Variants in GNA12 observed in about 807,000 individuals in gnomAD.
GNA12 encodes guanine nucleotide-binding protein subunit alpha-12.
Under a neutral mutation model 26.0 loss-of-function variants are expected in GNA12, and 9 were observed. That is an observed-to-expected ratio of 0.35 (90% confidence interval 0.21 to 0.60). GNA12 has a LOEUF of 0.60. Among genes scored for constraint, GNA12 ranks in the 20% least tolerant of loss-of-function variants. The probability of loss-of-function intolerance (pLI) is 0.78; values close to 1 mark genes in which losing one functional copy is unlikely to be tolerated. For missense variants in GNA12, 405 were observed against 525.8 expected (o/e 0.77, Z 2.25); for synonymous variants, 264 against 219.6 (o/e 1.20, Z -1.79).
At chr7:2,787,919 C>T (rs184001021) in intron 2 of GNA12, among the ~76,000 whole-genome samples, 33 of 152,260 alleles carry the variant, frequency 2.2e-4, no homozygotes, top group African/African-American at 6.3e-4. Flanking sequence ...CTTTGGAAGC[C>T]AAGGCAGGAG....
At chr7:2,838,280 T>A (rs1262868357) in intron 1 of GNA12, among the ~76,000 whole-genome samples, 1 of 143,720 alleles carries the variant, frequency 7.0e-6, no homozygotes, top group African/African-American at 2.6e-5. Context: ...GCATTATACT[T>A]AAAAAAAAAA....
In GNA12 at chr7:2,730,591, C is replaced by A. The variant is rs75277291; in HGVS notation, c.*590G>T. 1 of 152,530 alleles carries A rather than the reference C, an allele frequency of 6.6e-6. No homozygotes were observed. The highest frequency in any genetic ancestry group is 1.5e-5 in the Non-Finnish European group (1 of 68,206). 9.4% of individuals were successfully genotyped at this position (152,530 alleles called of 1,614,324 possible). Reference sequence around the variant, plus strand: ...ACTAGGGGCTCTTAGGAAATCGGCACGGGAGTTTGAAAAGGCAACGTGCTC... The same window carrying A: ...ACTAGGGGCTCTTAGGAAATCGGCAAGGGAGTTTGAAAAGGCAACGTGCTC... On this transcript the variant is annotated 3_prime_UTR_variant, in exon 4 of 4. Coordinates refer to ENST00000275364, the MANE Select transcript of GNA12 (RefSeq NM_007353.3).
At chr7:2,761,924 C>T (rs919955121) in intron 2 of GNA12, among the ~76,000 whole-genome samples, 1 of 152,162 alleles carries the variant, frequency 6.6e-6, no homozygotes, top group African/African-American at 2.4e-5. Flanking sequence ...ACGGAATGTC[C>T]AAATGTAAGG....
At chr7:2,818,427 T>C (rs1183317089) in intron 1 of GNA12, among the ~76,000 whole-genome samples, 2 of 152,200 alleles carry the variant, frequency 1.3e-5, no homozygotes, top group Admixed American at 6.5e-5. Flanking sequence ...GATTAGAGGC[T>C]AGACAAACTA....
chr7:2,825,130 G>T (rs1793454584), intron 1 of GNA12, among the ~76,000 whole-genome samples: 1 of 152,164 alleles, frequency 6.6e-6, no homozygotes, highest in South Asian at 2.1e-4. Context: ...CCTAAATCCA[G>T]GCACCCAACA....
At chr7:2,767,433 A>C (rs1316979783) in intron 2 of GNA12, among the ~76,000 whole-genome samples, 1 of 152,232 alleles carries the variant, frequency 6.6e-6, no homozygotes, top group Non-Finnish European at 1.5e-5. Flanking sequence ...GAGTTGTGGT[A>C]CTTAAAAAAA....
rs573516734 is a variant in GNA12, at chr7:2,739,847, T to G, written c.526-6346A>C. On this transcript the variant is annotated intron_variant, in intron 2 of 3. Transcript: ENST00000275364. ...CCACCAAACCTGGCTAATTTTTGTA[T>G]TTTTAGTAGAGACGGGGGTTTCACC... 9.2e-5 allele frequency among the ~76,000 whole-genome samples: 14 copies of G among 152,274 alleles called. No individual in the cohort carries two copies. In the East Asian group the frequency reaches 2.7e-3, roughly 29 times the overall value.
rs142241466 is a variant in GNA12, at chr7:2,776,040, C to T, written c.525+18888G>A. On this transcript the variant is annotated intron_variant, in intron 2 of 3. Transcript: ENST00000275364. ...TGGCAAGTATAGCCCTGGGGGCTAA[C>T]AATGGGTCTTTTGATTTTTTTTTAT... is the stretch of plus-strand genomic sequence containing the variant. 1.6e-3 allele frequency among the ~76,000 whole-genome samples: 237 copies of T among 152,330 alleles called. 2 individuals carry two copies. The highest frequency in any genetic ancestry group is 0.01 in the Middle Eastern group (3 of 294).
chr7:2,784,516 T>C (rs1325193757), intron 2 of GNA12, among the ~76,000 whole-genome samples: 1 of 152,234 alleles, frequency 6.6e-6, no homozygotes, highest in Non-Finnish European at 1.5e-5. Context: ...ACACAAACTG[T>C]GGAACTTCCT....
At chr7:2,750,139 G>A (rs189301355) in intron 2 of GNA12, among the ~76,000 whole-genome samples, 3 of 152,302 alleles carry the variant, frequency 2.0e-5, no homozygotes, top group African/African-American at 7.2e-5. Flanking sequence ...AAAGAAGTCA[G>A]ACTCTCCGGT....
chr7:2,728,618 C>T lies in GNA12; in HGVS notation c.*2563G>A, dbSNP rs1789728361. 6.6e-6 allele frequency: 1 copy of T among 152,584 alleles called. No individual in the cohort carries two copies. The highest frequency in any genetic ancestry group is 1.5e-5 in the Non-Finnish European group (1 of 68,032). The allele number at this position is 152,584 out of a possible 1,614,324, so 9.5% of individuals were successfully genotyped here. ...ATAATTGAGGCACAACTACCTCCTG[C>T]TTTTCCAACATCTTAATAAAAAAGA... is the stretch of plus-strand genomic sequence containing the variant. On this transcript the variant is annotated 3_prime_UTR_variant, in exon 4 of 4. Coordinates refer to ENST00000275364, the MANE Select transcript of GNA12 (RefSeq NM_007353.3).
chr7:2,737,640 G>C (rs894842623), intron 2 of GNA12, among the ~76,000 whole-genome samples: 1 of 152,078 alleles, frequency 6.6e-6, no homozygotes, highest in Non-Finnish European at 1.5e-5. Flanking sequence ...TCCTAAAGCG[G>C]GGTCATTCAC....
At chr7:2,777,514 C>G (rs979520786) in intron 2 of GNA12, among the ~76,000 whole-genome samples, 15 of 152,238 alleles carry the variant, frequency 9.9e-5, no homozygotes, top group Admixed American at 2.6e-4. Context: ...GAGGTGGGGT[C>G]TTTGGGAGGT....
intron 2 of GNA12, among the ~76,000 whole-genome samples, chr7:2,746,665 G>A (rs887560137): frequency 1.5e-4 from 23 of 152,070 alleles, no homozygotes; most frequent in African/African-American, 5.3e-4. Flanking sequence ...AAATAACTAA[G>A]ATCAGAGCAG....
chr7:2,783,055 C>G (rs781144725), intron 2 of GNA12, among the ~76,000 whole-genome samples: 1 of 152,110 alleles, frequency 6.6e-6, no homozygotes, highest in Non-Finnish European at 1.5e-5. Flanking sequence ...GTTTAAAGAC[C>G]GGTGTCGGAG....
At chr7:2,836,187 C>T (rs189722833) in intron 1 of GNA12, among the ~76,000 whole-genome samples, 1 of 152,230 alleles carries the variant, frequency 6.6e-6, no homozygotes, top group Admixed American at 6.5e-5. Context: ...TAATGAAGTC[C>T]TCGCACTATC....
At chr7:2,773,036 TAAAC>T (rs1791987832) in intron 2 of GNA12, among the ~76,000 whole-genome samples, 2 of 152,232 alleles carry the variant, frequency 1.3e-5, no homozygotes, top group African/African-American at 4.8e-5. Flanking sequence ...CGATTCCATT[TAAAC>T]AAACTTCAAA....
intron 2 of GNA12, chr7:2,763,059 A>T: frequency 8.0e-7 from 1 of 1,246,624 alleles, no homozygotes; most frequent in South Asian, 3.7e-5. Context: ...TCCAGGACGC[A>T]GACCGGGGCT....
chr7:2,759,308 C>G (rs547456398), intron 2 of GNA12, among the ~76,000 whole-genome samples: 18 of 152,232 alleles, frequency 1.2e-4, no homozygotes, highest in Non-Finnish European at 2.9e-5. Context: ...GGAAACAAAG[C>G]GCTAGCTGTA....
Sources: gnomAD v4.1 joint callset for allele counts (sites outside exome capture counted in the v4.1 genomes callset) on GRCh38, gnomAD v4.1.1 for gene constraint, MANE v1.5 for transcripts, NCBI Gene and HGNC (gene_info 2026-07-23, HGNC 2026-07-21) for gene names.